HYCC2: variants seen among roughly 807,000 people sequenced by gnomAD.
The protein encoded by HYCC2 is hyccin 2.
the HYCC2 span, chr2:201,063,621 G>A: frequency 6.3e-7 from 1 of 1,579,550 alleles, no homozygotes; most frequent in African/African-American, 1.3e-5. Context: ...TGTGAAGTTA[G>A]AAAAGCCCTG....
At chr2:200,983,953 G>A in the HYCC2 span, among the ~76,000 whole-genome samples, 11 of 152,124 alleles carry the variant, frequency 7.2e-5, no homozygotes, top group Non-Finnish European at 1.3e-4. Flanking sequence ...ACTAAGAAAT[G>A]CTTAGTATAT....
At chr2:201,009,025 CTCT>C in the HYCC2 span, 1 of 1,614,022 alleles carries the variant, frequency 6.2e-7, no homozygotes, top group South Asian at 1.1e-5. Flanking sequence ...CTATAAACAA[CTCT>C]GATGAGATCA....
chr2:201,022,238 T>G, the HYCC2 span: 1 of 453,740 alleles, frequency 2.2e-6, no homozygotes, highest in South Asian at 1.8e-5. Flanking sequence ...ATGTGTGTAT[T>G]TTGCATAAAT....
At chr2:201,005,754 G>A in the HYCC2 span, among the ~76,000 whole-genome samples, 2 of 152,142 alleles carry the variant, frequency 1.3e-5, no homozygotes, top group Non-Finnish European at 2.9e-5. Flanking sequence ...TCTCTCCAAG[G>A]TAGAAAAGTC....
chr2:201,023,376 A>G, the HYCC2 span, among the ~76,000 whole-genome samples: 1 of 152,096 alleles, frequency 6.6e-6, no homozygotes, highest in Non-Finnish European at 1.5e-5. Context: ...AAGAAGCATC[A>G]GAGTTCAAAC....
chr2:200,981,774 C>A, the HYCC2 span: 1 of 1,614,090 alleles, frequency 6.2e-7, no homozygotes. This position sits in a 1 kb window ranked among gnomAD's most constrained non-coding sequence, Gnocchi z 4.5. Flanking sequence ...ATGGTTTGGT[C>A]CCAATTGGCT....
chr2:201,053,098 G>C, the HYCC2 span, among the ~76,000 whole-genome samples: 1 of 152,170 alleles, frequency 6.6e-6, no homozygotes, highest in East Asian at 1.9e-4. Flanking sequence ...AGTGAACACA[G>C]ATCCAGTACT....
chr2:201,034,967 A>C, the HYCC2 span, among the ~76,000 whole-genome samples: 1 of 152,154 alleles, frequency 6.6e-6, no homozygotes, highest in Non-Finnish European at 1.5e-5. Context: ...CTGCTGAGAG[A>C]TCCGCTGTTA....
the HYCC2 span, chr2:201,009,296 C>A: frequency 2.6e-6 from 1 of 391,230 alleles, no homozygotes; most frequent in Admixed American, 3.7e-5. Context: ...AAATATAAAA[C>A]TAAAAACATT....
chr2:201,024,329 A>T, the HYCC2 span, among the ~76,000 whole-genome samples: 2 of 152,010 alleles, frequency 1.3e-5, no homozygotes, highest in Non-Finnish European at 2.9e-5. Flanking sequence ...CTCTACTAAA[A>T]ATCAAGAAAA....
the HYCC2 span, among the ~76,000 whole-genome samples, chr2:201,057,555 C>A: frequency 6.6e-6 from 1 of 152,182 alleles, no homozygotes; most frequent in Non-Finnish European, 1.5e-5. Flanking sequence ...GTTACCACTA[C>A]ATAACCAAGT....
chr2:201,025,751 T>C, the HYCC2 span, among the ~76,000 whole-genome samples: 32 of 152,110 alleles, frequency 2.1e-4, no homozygotes, highest in African/African-American at 7.5e-4. Context: ...CAGGAAGGCA[T>C]GGTCTGATGG....
the HYCC2 span, chr2:201,023,888 G>T: frequency 8.8e-7 from 1 of 1,139,818 alleles, no homozygotes; most frequent in South Asian, 1.3e-5. Context: ...TTTCTCCATA[G>T]AGCACATATT....
the HYCC2 span, among the ~76,000 whole-genome samples, chr2:201,046,499 G>A: frequency 2.6e-5 from 4 of 152,044 alleles, no homozygotes; most frequent in African/African-American, 4.8e-5. Flanking sequence ...ACTTTGAGAA[G>A]GGGCACTTGA....
At chr2:201,063,799 T>G in the HYCC2 span, 2 of 1,591,020 alleles carry the variant, frequency 1.3e-6, no homozygotes, top group East Asian at 4.5e-5. Flanking sequence ...GTGGTGGATA[T>G]GATGGCAGTG....
chr2:201,018,028 C>G, the HYCC2 span, among the ~76,000 whole-genome samples: 3 of 152,204 alleles, frequency 2.0e-5, no homozygotes, highest in Non-Finnish European at 4.4e-5. Context: ...TATTTTAAAA[C>G]TGACTTAAAT....
chr2:201,049,547 G>GT, the HYCC2 span, among the ~76,000 whole-genome samples: 32 of 151,364 alleles, frequency 2.1e-4, no homozygotes, highest in Non-Finnish European at 4.1e-4. Flanking sequence ...TAGAGACGGG[G>GT]TTTCACCACG....
At chr2:201,064,888 T>C in the HYCC2 span, among the ~76,000 whole-genome samples, 5 of 152,322 alleles carry the variant, frequency 3.3e-5, no homozygotes, top group African/African-American at 9.6e-5. Context: ...CCTTTGCCCA[T>C]TTTCCCTCAA....
At chr2:200,988,161 A>G in the HYCC2 span, 6 of 959,560 alleles carry the variant, frequency 6.3e-6, no homozygotes, top group African/African-American at 8.3e-5. Context: ...AAATTACTTT[A>G]ATTATACAGG....
Sources: allele counts gnomAD v4.1 joint callset (sites outside exome capture counted in the v4.1 genomes callset), GRCh38; gene constraint gnomAD v4.1.1; non-coding constraint Gnocchi (gnomAD v3.1); transcripts MANE v1.5; gene names NCBI Gene and HGNC (gene_info 2026-07-23, HGNC 2026-07-21).